The following ZNF710 variants were observed in gnomAD, a reference collection of about 807,000 sequenced individuals.
ZNF710 encodes the protein zinc finger protein 710.
A neutral mutation model predicts 50.6 loss-of-function variants in ZNF710; 13 were observed. The observed-to-expected ratio is 0.26, with a 90% CI of 0.17 to 0.41. ZNF710 has a LOEUF of 0.41. Among genes scored for constraint, ZNF710 ranks in the 10% least tolerant of loss-of-function variants. The pLI is 1.00. For missense variants in ZNF710, 721 were observed against 936.6 expected, an observed-to-expected ratio of 0.77 and a Z score of 3.01; for synonymous variants, 383 against 397.0, an observed-to-expected ratio of 0.96 and a Z score of 0.42.
intron 1 of ZNF710, among the ~76,000 whole-genome samples, chr15:90,058,173 C>T (rs1212844184): frequency 6.6e-6 from 1 of 152,090 alleles, no homozygotes; most frequent in Non-Finnish European, 1.5e-5. Context: ...CCTGGGAGGG[C>T]GTCAGGTGAG....
intron 1 of ZNF710, among the ~76,000 whole-genome samples, chr15:90,038,528 A>G (rs1899199604): frequency 1.3e-5 from 2 of 152,206 alleles, no homozygotes; most frequent in East Asian, 1.9e-4. Flanking sequence ...CGGTGCCATC[A>G]TCACACCTAA....
intron 1 of ZNF710, among the ~76,000 whole-genome samples, chr15:90,029,236 C>G (rs1898862640): frequency 6.6e-6 from 1 of 152,152 alleles, no homozygotes; most frequent in South Asian, 2.1e-4. Flanking sequence ...CATATTTGCA[C>G]AGGGTTTCCC....
intron 1 of ZNF710, among the ~76,000 whole-genome samples, chr15:90,038,358 C>A (rs1047625668): frequency 9.9e-5 from 15 of 152,206 alleles, no homozygotes; most frequent in Admixed American, 9.2e-4. Flanking sequence ...TAAGAACCTT[C>A]GTCCAGATTC....
chr15:90,013,423 T>A (rs2151466372), intron 1 of ZNF710, among the ~76,000 whole-genome samples: 1 of 152,334 alleles, frequency 6.6e-6, no homozygotes, highest in South Asian at 2.1e-4. Flanking sequence ...GATTTTTGAT[T>A]GCAAGCTTAT....
intron 1 of ZNF710, among the ~76,000 whole-genome samples, chr15:90,013,060 CT>C (rs1898357583): frequency 6.6e-6 from 1 of 151,982 alleles, no homozygotes; most frequent in African/African-American, 2.4e-5. Context: ...GGGTGTGTTC[CT>C]TAGGTGTTCT....
intron 1 of ZNF710, among the ~76,000 whole-genome samples, chr15:90,063,093 G>A (rs775420687): frequency 1.3e-5 from 2 of 152,162 alleles, no homozygotes; most frequent in Non-Finnish European, 2.9e-5. Flanking sequence ...AGCCAGCCAG[G>A]AAGCAGCCCG....
chr15:90,030,249 A>G (rs966473598), intron 1 of ZNF710, among the ~76,000 whole-genome samples: 19 of 138,892 alleles, frequency 1.4e-4, no homozygotes, highest in African/African-American at 4.7e-4. Context: ...AAATCACTGG[A>G]ACCTGGGAGG....
At position 90,067,674 on chromosome 15, in the gene ZNF710, G is replaced by T; in HGVS notation, c.537G>T (p.Arg179Ser). The stretch of plus-strand genomic sequence containing the variant: ...TCCGGCATCTGCCCCGAACCCCGAG[G>T]CCGGAGCTGAACGTGGCCCCATATG... Reference protein sequence around the residue: ...RTLRHLPRTPRPELNVAPYDP... With the variant: ...RTLRHLPRTPSPELNVAPYDP... Residue 179 changes from arginine to serine, a missense_variant, in exon 2 of 5, where the codon AGG becomes AGT. Arg to Ser is a moderately radical substitution (Grantham distance 110, BLOSUM62 -1). This residue lies in a region of ZNF710 where 326 missense variants were observed against 347.1 expected (regional missense o/e 0.94). Transcript: ENST00000268154. The surrounding 1 kb of genome is among the most constrained non-coding windows in gnomAD (Gnocchi z 8.1). 1.2e-6 allele frequency: 2 copies of T among 1,612,956 alleles called. No individual in the cohort carries two copies. The highest frequency in any genetic ancestry group is 1.7e-6 in the Non-Finnish European group (2 of 1,179,658).
At chr15:90,016,555 C>T (rs1416687389) in intron 1 of ZNF710, among the ~76,000 whole-genome samples, 1 of 152,220 alleles carries the variant, frequency 6.6e-6, no homozygotes, top group Non-Finnish European at 1.5e-5. Flanking sequence ...GATCCTCCTG[C>T]CTCGGCCTCC....
chr15:90,066,950 C>T lies in ZNF710; in HGVS notation c.-28-160C>T, dbSNP rs143303686. On this transcript the variant is annotated intron_variant, in intron 1 of 4. Transcript: ENST00000268154. The stretch of plus-strand genomic sequence containing the variant: ...CAGATACACAGCAGGAATCACTGCT[C>T]CCTATAATAACAAGTGTGCCCTGTT... Among the ~76,000 whole-genome samples the T allele has an allele frequency of 6.4e-4, 97 of 152,258 alleles. 1 individual carries two copies. In the East Asian group the frequency reaches 0.015, roughly 23 times the overall value.
rs1899068852 is a variant in ZNF710, at chr15:90,034,824, G to C, written c.-28-32286G>C. Among the ~76,000 whole-genome samples, 1 of 152,316 alleles carries C rather than the reference G, an allele frequency of 6.6e-6. No individual in the cohort carries two copies. Among genetic ancestry groups the C allele is most frequent in the East Asian group, 1.9e-4 (1 of 5,180 alleles). On this transcript the variant is annotated intron_variant, in intron 1 of 4. Coordinates refer to ENST00000268154, the MANE Select transcript of ZNF710 (RefSeq NM_198526.4). This position sits in a 1 kb window ranked among gnomAD's most constrained non-coding sequence, Gnocchi z 4.0. ...ACACCTGGCGCCTGTTGGGGACTTA[G>C]ACCTCTTCCACATCGCCCCAAGGTC...
chr15:90,048,371 C>T (rs926791017), intron 1 of ZNF710, among the ~76,000 whole-genome samples: 9 of 152,234 alleles, frequency 5.9e-5, no homozygotes, highest in Non-Finnish European at 7.3e-5. Flanking sequence ...AGAGAACCCA[C>T]GGGGTTCCCA....
rs534161403 is a variant in ZNF710, at chr15:90,062,817, C to T, written c.-28-4293C>T. ...AATTAGATTCCCTCCTCAGCAGAGC[C>T]CCTTCTGCATACACACACGCGCGCA... On this transcript the variant is annotated intron_variant, in intron 1 of 4. Coordinates refer to ENST00000268154, the MANE Select transcript of ZNF710 (RefSeq NM_198526.4). The surrounding 1 kb of genome is among the most constrained non-coding windows in gnomAD (Gnocchi z 5.6). 1.1e-4 allele frequency among the ~76,000 whole-genome samples: 16 copies of T among 152,184 alleles called. No homozygotes were observed. The highest frequency in any genetic ancestry group is 3.9e-4 in the African/African-American group (16 of 41,438).
rs933809403 is a variant in ZNF710, at chr15:90,067,920, G to A, written c.783G>A (p.Ser261=). ...AGTTCGAGGCTGACACGGCGGGTTC[G>A]ACCGTGGAACGCCACAAGAAGGCCC... ...ASEFEADTAG[S]TVERHKKAQL... is the part of the protein sequence containing the mutation. Residue 261 remains serine (S), a synonymous_variant, in exon 2 of 5, where the codon TCG becomes TCA. Coordinates refer to ENST00000268154, the MANE Select transcript of ZNF710 (RefSeq NM_198526.4). The surrounding 1 kb of genome is among the most constrained non-coding windows in gnomAD (Gnocchi z 8.1). 11 of 1,612,602 alleles carry A rather than the reference G, an allele frequency of 6.8e-6. No homozygotes were observed. Among genetic ancestry groups the A allele is most frequent in the Middle Eastern group, 1.7e-4 (1 of 6,060 alleles).
At chr15:90,069,340 T>G (rs984347643) in intron 2 of ZNF710, among the ~76,000 whole-genome samples, 6 of 151,492 alleles carry the variant, frequency 4.0e-5, no homozygotes, top group African/African-American at 9.7e-5. Context: ...CCTGAGAGGC[T>G]GAGGTTGCAG....
intron 1 of ZNF710, among the ~76,000 whole-genome samples, chr15:90,026,483 T>G (rs112656415): frequency 1.2e-4 from 18 of 152,208 alleles, no homozygotes; most frequent in African/African-American, 3.6e-4. Flanking sequence ...GTCCCAAGTG[T>G]TTTTGCTAGT....
intron 1 of ZNF710, among the ~76,000 whole-genome samples, chr15:90,021,469 G>A (rs888661855): frequency 1.3e-5 from 2 of 152,144 alleles, no homozygotes; most frequent in African/African-American, 4.8e-5. Context: ...TATTACCTGC[G>A]GACCGCGGTG....
Position 90,034,431 on chromosome 15 carries a change from TG to T in ZNF710, c.-28-32678del, listed in dbSNP as rs1194000998. 3.6e-5 allele frequency among the ~76,000 whole-genome samples: 1 copy of T among 27,750 alleles called. No homozygotes were observed. The highest frequency in any genetic ancestry group is 2.1e-4 in the African/African-American group (1 of 4,852). The allele number at this position is 27,750 out of a possible 152,430, so 18.2% of individuals were successfully genotyped here. ...TGTCCTTCCTGTTTCCAAATTCCTG[TG>T]TGTGTGTGTGTGTGTGTGTGTGTGT... On this transcript the variant is annotated intron_variant, in intron 1 of 4. Transcript: ENST00000268154. This position sits in a 1 kb window ranked among gnomAD's most constrained non-coding sequence, Gnocchi z 4.0.
At chr15:90,058,707 A>G (rs1196127502) in intron 1 of ZNF710, among the ~76,000 whole-genome samples, 14 of 145,464 alleles carry the variant, frequency 9.6e-5, no homozygotes, top group African/African-American at 3.4e-4. Context: ...ATATTTATAT[A>G]TATATATATA....
Sources: gnomAD v4.1 joint callset for allele counts (sites outside exome capture counted in the v4.1 genomes callset) on GRCh38, gnomAD v4.1.1 for gene constraint, gnomAD v4.1.1 regional missense constraint, Gnocchi (gnomAD v3.1) non-coding constraint, MANE v1.5 for transcripts, NCBI Gene and HGNC (gene_info 2026-07-23, HGNC 2026-07-21) for gene names.